UTRN: variants seen among roughly 807,000 people sequenced by gnomAD.
UTRN encodes utrophin.
Under a neutral mutation model 463.9 loss-of-function variants are expected in UTRN, and 283 were observed. The ratio of observed to expected loss-of-function variants is 0.61; its 90% CI spans 0.55 to 0.67. The LOEUF (loss-of-function observed/expected upper bound fraction) is 0.67. UTRN is among the 30% of genes least tolerant of loss of function. UTRN has a pLI of 0.00. For synonymous variants in UTRN, 1,442 were observed against 1,431.5 expected (o/e 1.01, Z -0.17); for missense variants, 3,922 against 4,084.3 (o/e 0.96, Z 1.08).
chr6:144,462,613 C>T, intron 22 of UTRN, 41 bp from the exon 23 acceptor site: 1 of 1,538,794 alleles, frequency 6.5e-7, no homozygotes, highest in Non-Finnish European at 8.8e-7. Context: ...TGTGCAGACA[C>T]ATTTTTGTGC....
At chr6:144,498,346 G>A (rs1793854311) in intron 33 of UTRN, among the ~76,000 whole-genome samples, 1 of 152,142 alleles carries the variant, frequency 6.6e-6, no homozygotes, top group African/African-American at 2.4e-5. Context: ...AGCACAACAC[G>A]GAAGCTGTAT....
intron 51 of UTRN, among the ~76,000 whole-genome samples, chr6:144,651,016 A>C (rs971423435): frequency 6.6e-6 from 1 of 151,364 alleles, no homozygotes; most frequent in African/African-American, 2.5e-5. Flanking sequence ...GTGTTAACTC[A>C]TAACAAGTTT....
intron 51 of UTRN, among the ~76,000 whole-genome samples, chr6:144,602,790 T>A (rs1243827693): frequency 6.6e-6 from 1 of 152,188 alleles, no homozygotes; most frequent in Admixed American, 6.5e-5. Context: ...TTTTTTCTCA[T>A]CAATATTATA....
At chr6:144,783,428 T>G (rs998991437) in intron 61 of UTRN, among the ~76,000 whole-genome samples, 27 of 152,192 alleles carry the variant, frequency 1.8e-4, no homozygotes, top group Non-Finnish European at 3.4e-4. Flanking sequence ...AATCTGGATT[T>G]TTTTTCTATT....
chr6:144,304,534 T>G (rs73585080), intron 2 of UTRN, among the ~76,000 whole-genome samples: 9,199 of 151,854 alleles, frequency 0.061, 909 homozygotes, highest in African/African-American at 0.21. Context: ...CTCACGGGAG[T>G]GGTACCTGAC....
rs188379022 is a variant in UTRN, at chr6:144,502,371, T to C, written c.4764+2944T>C. 1.5e-4 allele frequency among the ~76,000 whole-genome samples: 23 copies of C among 152,216 alleles called. No individual in the cohort carries two copies. The East Asian group carries it at 4.1e-3, about 27-fold the overall frequency. ...ATTTGTCTCACTCATCAACCCGTCATCTACATTAGGTATTTCTCCTAATGC... is the reference window on the plus strand; with the variant it reads ...ATTTGTCTCACTCATCAACCCGTCACCTACATTAGGTATTTCTCCTAATGC... On this transcript the variant is annotated intron_variant, in intron 34 of 74. Coordinates refer to ENST00000367545, the MANE Select transcript of UTRN (RefSeq NM_007124.3).
intron 53 of UTRN, among the ~76,000 whole-genome samples, chr6:144,713,086 A>G (rs994478816): frequency 6.6e-6 from 1 of 152,098 alleles, no homozygotes; most frequent in African/African-American, 2.4e-5. Context: ...TAGATTTCAG[A>G]TTTTTTCATA....
At chr6:144,842,298 G>C (rs1299905596) in intron 73 of UTRN, among the ~76,000 whole-genome samples, 3 of 151,910 alleles carry the variant, frequency 2.0e-5, no homozygotes, top group African/African-American at 7.3e-5. Flanking sequence ...TATATTTCTG[G>C]CCCAGGTGCG....
chr6:144,384,226 G>A (rs1027017474), intron 2 of UTRN, among the ~76,000 whole-genome samples: 3 of 152,092 alleles, frequency 2.0e-5, no homozygotes, highest in African/African-American at 7.2e-5. Flanking sequence ...TGGGCCACAG[G>A]TCGCTACTAG....
chr6:144,739,779 C>A (rs1418193217), intron 54 of UTRN, among the ~76,000 whole-genome samples: 1 of 152,104 alleles, frequency 6.6e-6, no homozygotes, highest in Non-Finnish European at 1.5e-5. Flanking sequence ...AAGGGCTCAC[C>A]CTTCTTTAGA....
At chr6:144,818,511 C>T (rs1299613200) in intron 65 of UTRN, among the ~76,000 whole-genome samples, 1 of 152,186 alleles carries the variant, frequency 6.6e-6, no homozygotes, top group African/African-American at 2.4e-5. Flanking sequence ...TTGAAAACCA[C>T]TGGCCTAAGA....
chr6:144,511,230 C>A (rs757439337), intron 35 of UTRN, 107 bp downstream of exon 35: 46 of 1,115,108 alleles, frequency 4.1e-5, no homozygotes, highest in Non-Finnish European at 5.3e-5. Flanking sequence ...CTGTGTGTCA[C>A]AGTGATGTTT....
chr6:144,701,027 C>T (rs937500551), intron 53 of UTRN, among the ~76,000 whole-genome samples: 6 of 152,166 alleles, frequency 3.9e-5, no homozygotes, highest in African/African-American at 1.4e-4. Context: ...CTGCCTCAGC[C>T]TCCCAAGTAG....
chr6:144,805,505 A>G (rs545522827), intron 65 of UTRN, among the ~76,000 whole-genome samples: 2 of 152,194 alleles, frequency 1.3e-5, no homozygotes, highest in Admixed American at 1.3e-4. Flanking sequence ...GAAACAGAAC[A>G]TATAGTGGTC....
At chr6:144,410,256 C>T (rs1029625521) in intron 3 of UTRN, among the ~76,000 whole-genome samples, 2 of 152,166 alleles carry the variant, frequency 1.3e-5, no homozygotes, top group African/African-American at 4.8e-5. Flanking sequence ...GTGCCTCACC[C>T]TAGTCTCATG....
At chr6:144,845,122 T>C (rs562385898) in intron 73 of UTRN, among the ~76,000 whole-genome samples, 1 of 152,346 alleles carries the variant, frequency 6.6e-6, no homozygotes, top group East Asian at 1.9e-4. Flanking sequence ...ATTATGGCCT[T>C]TTAAAGTCTT....
At chr6:144,654,291 G>A (rs1448166553) in intron 51 of UTRN, among the ~76,000 whole-genome samples, 2 of 152,168 alleles carry the variant, frequency 1.3e-5, no homozygotes, top group Admixed American at 1.3e-4. Context: ...GAATGGATTA[G>A]CCTCCAAGCA....
At chr6:144,789,975 C>T (rs1776623804) in intron 62 of UTRN, among the ~76,000 whole-genome samples, 1 of 152,124 alleles carries the variant, frequency 6.6e-6, no homozygotes, top group Non-Finnish European at 1.5e-5. Flanking sequence ...AGCTGAGTGT[C>T]TTTGGGCAGG....
intron 51 of UTRN, among the ~76,000 whole-genome samples, chr6:144,639,344 C>T (rs1428876197): frequency 6.6e-6 from 1 of 152,100 alleles, no homozygotes; most frequent in Non-Finnish European, 1.5e-5. Context: ...TTGCTCCATA[C>T]TTAACTAATT....
Sources: allele counts gnomAD v4.1 joint callset (sites outside exome capture counted in the v4.1 genomes callset), GRCh38; gene constraint gnomAD v4.1.1; transcripts MANE v1.5; gene names NCBI Gene and HGNC (gene_info 2026-07-23, HGNC 2026-07-21).